The following CADM2 variants were observed in gnomAD, a reference collection of about 807,000 sequenced individuals.
The protein encoded by CADM2 is cell adhesion molecule 2.
In CADM2, 12 loss-of-function variants were observed where a neutral mutation model predicts 49.8. The ratio of observed to expected loss-of-function variants is 0.24; its 90% CI spans 0.15 to 0.39. The LOEUF (loss-of-function observed/expected upper bound fraction) is 0.39. Ranked by LOEUF, CADM2 falls within the 10% of genes least tolerant of loss-of-function variation. The pLI, the probability that CADM2 is intolerant of heterozygous loss-of-function variation, is 1.00. For synonymous variants in CADM2, 214 were observed against 175.4 expected, an observed-to-expected ratio of 1.22 and a Z score of -1.74; for missense variants, 378 against 492.3, an observed-to-expected ratio of 0.77 and a Z score of 2.20.
At chr3:85,399,303 G>A (rs1397495686) in intron 1 of CADM2, among the ~76,000 whole-genome samples, 1 of 152,064 alleles carries the variant, frequency 6.6e-6, no homozygotes, top group African/African-American at 2.4e-5. Flanking sequence ...GGTTGTAGAT[G>A]TGTGGTATTA....
intron 1 of CADM2, among the ~76,000 whole-genome samples, chr3:85,718,583 A>G (rs1027279550): frequency 2.6e-5 from 4 of 152,202 alleles, no homozygotes; most frequent in African/African-American, 9.6e-5. Flanking sequence ...TGAACTTTAA[A>G]GAGATGTTTG....
rs112889086 is a variant in CADM2, at chr3:85,192,436, C to T, written c.61+232768C>T. On this transcript the variant is annotated intron_variant, in intron 1 of 9. Coordinates refer to ENST00000383699, the MANE Select transcript of CADM2 (RefSeq NM_001167675.2). ...AGATGTTCACAAGAGCTCATCTTTC[C>T]TTAGCCATTGCAAAGACAGCTTACT... is the stretch of plus-strand genomic sequence containing the variant. Among the ~76,000 whole-genome samples the T allele has an allele frequency of 6.9e-3, 1,047 of 151,974 alleles. 10 individuals are homozygous for T. The highest frequency in any genetic ancestry group is 0.023 in the African/African-American group (959 of 41,466).
chr3:85,946,642 C>T (rs1170996876), intron 7 of CADM2, among the ~76,000 whole-genome samples: 2 of 152,076 alleles, frequency 1.3e-5, no homozygotes, highest in African/African-American at 4.8e-5. Flanking sequence ...GATAATACCT[C>T]ACATCTACAA....
At chr3:86,007,228 G>A (rs368566769) in intron 8 of CADM2, among the ~76,000 whole-genome samples, 1 of 149,474 alleles carries the variant, frequency 6.7e-6, no homozygotes, top group African/African-American at 2.5e-5. Flanking sequence ...ATTTAATCAC[G>A]TTTATGTAAA....
chr3:85,868,136 CAAGAA>C (rs1249403793), intron 3 of CADM2, among the ~76,000 whole-genome samples: 1 of 151,842 alleles, frequency 6.6e-6, no homozygotes, highest in Admixed American at 6.6e-5. Flanking sequence ...CTCAAAGAAG[CAAGAA>C]AAGAGTCCCA....
intron 1 of CADM2, among the ~76,000 whole-genome samples, chr3:85,491,099 C>T (rs188889948): frequency 7.6e-4 from 115 of 152,308 alleles, no homozygotes; most frequent in Non-Finnish European, 1.5e-3. Flanking sequence ...AAATCAGGTA[C>T]TGCATCAAAT....
chr3:86,012,496 C>T (rs1230791227), intron 8 of CADM2: 27 of 1,049,330 alleles, frequency 2.6e-5, no homozygotes, highest in Admixed American at 3.7e-5. Flanking sequence ...TGACCCGGAC[C>T]AGCGGGCGGA....
intron 1 of CADM2, among the ~76,000 whole-genome samples, chr3:85,017,543 A>T (rs80155233): frequency 1.3e-5 from 2 of 152,072 alleles, no homozygotes; most frequent in Non-Finnish European, 2.9e-5. Flanking sequence ...TCTTATCCTG[A>T]TGTAATTTTG....
intron 1 of CADM2, among the ~76,000 whole-genome samples, chr3:85,572,199 A>G (rs998616842): frequency 1.3e-5 from 2 of 152,182 alleles, no homozygotes; most frequent in East Asian, 1.9e-4. Context: ...GGGAAGGCTG[A>G]GACAGGAGAA....
At chr3:85,164,401 A>T (rs1245344329) in intron 1 of CADM2, among the ~76,000 whole-genome samples, 1 of 152,098 alleles carries the variant, frequency 6.6e-6, no homozygotes, top group Non-Finnish European at 1.5e-5. Flanking sequence ...ATTGTGAAAG[A>T]TGTGTGGTTA....
In CADM2 at chr3:85,825,152, A is replaced by G. The variant is rs529722182; in HGVS notation, c.238+22956A>G. Among the ~76,000 whole-genome samples the G allele has an allele frequency of 3.3e-5, 5 of 152,232 alleles. No homozygotes were observed. The East Asian group carries it at 9.7e-4, about 29-fold the overall frequency. ...GTACAGTTGATCTAAGCATCTGAGA[A>G]CAGCATAAAACTGATAAGCATTTAA... On this transcript the variant is annotated intron_variant, in intron 3 of 9. Transcript: ENST00000383699.
chr3:85,477,275 C>CACACAG (rs1553728051), intron 1 of CADM2, among the ~76,000 whole-genome samples: 1 of 151,044 alleles, frequency 6.6e-6, no homozygotes, highest in East Asian at 1.9e-4. Context: ...CACACACATA[C>CACACAG]AGACACGTAT....
At chr3:85,768,095 T>A (rs2069757219) in intron 2 of CADM2, among the ~76,000 whole-genome samples, 1 of 152,170 alleles carries the variant, frequency 6.6e-6, no homozygotes, top group Admixed American at 6.6e-5. Context: ...TCATATTAAT[T>A]CCTTTACCAT....
intron 1 of CADM2, among the ~76,000 whole-genome samples, chr3:85,591,390 C>A (rs2063103410): frequency 6.7e-6 from 1 of 148,206 alleles, no homozygotes; most frequent in Non-Finnish European, 1.5e-5. Flanking sequence ...TCTGAGGCTG[C>A]AGTTTAAATA....
chr3:85,018,299 G>A (rs932904419), intron 1 of CADM2, among the ~76,000 whole-genome samples: 3 of 152,060 alleles, frequency 2.0e-5, no homozygotes, highest in Admixed American at 6.6e-5. Context: ...CTTTATCCAC[G>A]AAAATGGAGG....
At chr3:85,543,420 ATGTGTG>A (rs34654299) in intron 1 of CADM2, among the ~76,000 whole-genome samples, 12,325 of 129,362 alleles carry the variant, frequency 0.095, 693 homozygotes, top group South Asian at 0.18. Context: ...TGCCAAGCTA[ATGTGTG>A]TGTGTGTGTG....
rs1339894717 is a variant in CADM2 at position 85,292,226 on chromosome 3, CA to C, written c.61+332560del. On this transcript the variant is annotated intron_variant, in intron 1 of 9. Coordinates refer to ENST00000383699, the MANE Select transcript of CADM2 (RefSeq NM_001167675.2). Reference sequence around the variant, plus strand: ...CATAATGGTAAAGGGATCAATTCAACAAGAAGAGCTAACTATCCTAAATATA... The same window carrying C: ...CATAATGGTAAAGGGATCAATTCAACAGAAGAGCTAACTATCCTAAATATA... Among the ~76,000 whole-genome samples the C allele has an allele frequency of 1.9e-4, 29 of 149,600 alleles. No individual in the cohort carries two copies. The East Asian group carries it at 5.2e-3, about 27-fold the overall frequency.
intron 3 of CADM2, among the ~76,000 whole-genome samples, chr3:85,835,733 T>C (rs976014136): frequency 5.5e-5 from 8 of 144,330 alleles, no homozygotes; most frequent in Non-Finnish European, 9.1e-5. Flanking sequence ...TATATATATA[T>C]ATCTTGCTAT....
intron 8 of CADM2, chr3:85,979,143 TA>T: frequency 6.2e-7 from 1 of 1,604,658 alleles, no homozygotes. Context: ...ATTTTGTTTA[TA>T]TTTTTTTTCC....
Sources: gnomAD v4.1 joint callset for allele counts (sites outside exome capture counted in the v4.1 genomes callset) on GRCh38, gnomAD v4.1.1 for gene constraint, MANE v1.5 for transcripts, NCBI Gene and HGNC (gene_info 2026-07-23, HGNC 2026-07-21) for gene names.